Variants in NALF1 observed in about 807,000 individuals in gnomAD.
NALF1 encodes family with sequence similarity 155 member A.
NALF1 carries 3 observed loss-of-function variants against 48.4 expected under a neutral mutation model. The ratio of observed to expected loss-of-function variants is 0.06; its 90% confidence interval spans 0.03 to 0.16. The LOEUF is 0.16. Ranked by LOEUF, NALF1 falls within the 10% of genes least tolerant of loss-of-function variation. The pLI, the probability that NALF1 is intolerant of heterozygous loss-of-function variation, is 1.00. For synonymous variants in NALF1, 262 were observed against 245.7 expected, an observed-to-expected ratio of 1.07 and a Z score of -0.62; for missense variants, 526 against 571.5, an observed-to-expected ratio of 0.92 and a Z score of 0.81.
chr13:107,725,968 T>C (rs909593138), intron 1 of NALF1, among the ~76,000 whole-genome samples: 10 of 152,122 alleles, frequency 6.6e-5, no homozygotes, highest in African/African-American at 9.7e-5. Context: ...GCAGTGACAA[T>C]TGAGTAGACA....
intron 1 of NALF1, among the ~76,000 whole-genome samples, chr13:107,687,548 G>A (rs887416489): frequency 6.7e-6 from 1 of 150,036 alleles, no homozygotes; most frequent in Non-Finnish European, 1.5e-5. Context: ...AAGAAAAGAA[G>A]ATGGGTCACA....
intron 1 of NALF1, among the ~76,000 whole-genome samples, chr13:107,225,496 T>C (rs771928910): frequency 1.8e-4 from 27 of 152,062 alleles, no homozygotes; most frequent in Non-Finnish European, 3.4e-4. Flanking sequence ...AGGGTGGTCT[T>C]GAATTCCTGG....
intron 1 of NALF1, among the ~76,000 whole-genome samples, chr13:107,286,881 T>C (rs926402581): frequency 1.3e-5 from 2 of 152,126 alleles, no homozygotes. Context: ...ATATTGATGA[T>C]TGCTGAAAGT....
chr13:107,511,967 G>A (rs565641138), intron 1 of NALF1, among the ~76,000 whole-genome samples: 1 of 152,176 alleles, frequency 6.6e-6, no homozygotes, highest in Non-Finnish European at 1.5e-5. Flanking sequence ...AATGTTTCTG[G>A]CTGTCTTTGA....
chr13:107,576,666 G>C (rs1483766158), intron 1 of NALF1, among the ~76,000 whole-genome samples: 3 of 152,162 alleles, frequency 2.0e-5, no homozygotes, highest in African/African-American at 2.4e-5. Context: ...TCATGATCTG[G>C]ACTCTGTGAA....
Position 107,611,983 on chromosome 13 carries a change from A to AGAGG in NALF1, c.915+253698_915+253699insCCTC, listed in dbSNP as rs1555312420. Reference sequence around the variant, plus strand: ...GCACGAAGAAGAAAGAAGAGAAGAGAAGAGGAGAGGAGAGGAGAGAGACAG... The same window carrying AGAGG: ...GCACGAAGAAGAAAGAAGAGAAGAGAGAGGAGAGGAGAGGAGAGGAGAGAGACAG... On this transcript the variant is annotated intron_variant, in intron 1 of 2. Transcript: ENST00000375915. Among the ~76,000 whole-genome samples the AGAGG allele has an allele frequency of 0.018, 2,596 of 142,448 alleles. 173 individuals carry two copies. In the East Asian group the frequency reaches 0.24, roughly 13 times the overall value. 93.5% of individuals were successfully genotyped at this position (142,448 alleles called of 152,430 possible).
At chr13:107,543,540 C>T (rs571956075) in intron 1 of NALF1, among the ~76,000 whole-genome samples, 1 of 152,034 alleles carries the variant, frequency 6.6e-6, no homozygotes, top group Non-Finnish European at 1.5e-5. Context: ...GACTGAGTTG[C>T]ATCCCAATAA....
intron 1 of NALF1, among the ~76,000 whole-genome samples, chr13:107,254,626 T>C (rs1004796826): frequency 3.9e-5 from 6 of 152,182 alleles, no homozygotes; most frequent in Non-Finnish European, 5.9e-5. Flanking sequence ...TGCCCACTTG[T>C]AAGCCTTGCC....
At chr13:107,865,643 GA>G in intron 1 of NALF1, 38 bp downstream of exon 1, 4 of 1,587,834 alleles carry the variant, frequency 2.5e-6, no homozygotes, top group Non-Finnish European at 3.4e-6. Flanking sequence ...GCAGAGATAG[GA>G]AAGTGCAGGA....
intron 1 of NALF1, among the ~76,000 whole-genome samples, chr13:107,489,104 T>C (rs77241300): frequency 2.0e-5 from 3 of 152,026 alleles, no homozygotes; most frequent in African/African-American, 7.2e-5. Flanking sequence ...TACAAACAAC[T>C]GCTCAAAGTA....
chr13:107,354,625 A>G (rs910442168), intron 1 of NALF1, among the ~76,000 whole-genome samples: 14 of 152,130 alleles, frequency 9.2e-5, no homozygotes, highest in Non-Finnish European at 1.6e-4. Flanking sequence ...CAAGAGCCAA[A>G]CCTTATCAAC....
chr13:107,612,591 A>G (rs1879262678), intron 1 of NALF1, among the ~76,000 whole-genome samples: 1 of 152,110 alleles, frequency 6.6e-6, no homozygotes. Flanking sequence ...GAAGATCTCA[A>G]TAGAACAGAA....
intron 1 of NALF1, among the ~76,000 whole-genome samples, chr13:107,797,505 G>A (rs1253477653): frequency 6.6e-6 from 1 of 152,060 alleles, no homozygotes; most frequent in Admixed American, 6.5e-5. Flanking sequence ...CACCGCGCCC[G>A]GCCCACCTCC....
chr13:107,326,972 C>T (rs1295576401), intron 1 of NALF1, among the ~76,000 whole-genome samples: 2 of 151,838 alleles, frequency 1.3e-5, no homozygotes, highest in African/African-American at 2.4e-5. Context: ...AGAGGATTCC[C>T]TCACATGATC....
intron 1 of NALF1, among the ~76,000 whole-genome samples, chr13:107,730,647 G>A (rs1566460601): frequency 6.6e-6 from 1 of 152,070 alleles, no homozygotes; most frequent in Non-Finnish European, 1.5e-5. Context: ...ACATCACATG[G>A]AAGTCATTTT....
chr13:107,830,870 T>C (rs1429185797), intron 1 of NALF1, among the ~76,000 whole-genome samples: 2 of 152,214 alleles, frequency 1.3e-5, no homozygotes, highest in Non-Finnish European at 2.9e-5. Flanking sequence ...ATATTTAATA[T>C]GTGGATTAAA....
At chr13:107,646,690 A>G (rs974918979) in intron 1 of NALF1, among the ~76,000 whole-genome samples, 3 of 152,098 alleles carry the variant, frequency 2.0e-5, no homozygotes, top group African/African-American at 7.2e-5. Flanking sequence ...ACATCAATCA[A>G]TTTGATGAGA....
At position 107,629,022 on chromosome 13, in the gene NALF1, T is replaced by C. The variant is rs577657441; in HGVS notation, c.915+236660A>G. Among the ~76,000 whole-genome samples, 8 of 152,292 alleles carry C rather than the reference T, an allele frequency of 5.3e-5. No individual in the cohort carries two copies. The East Asian group carries it at 1.2e-3, about 22-fold the overall frequency. On this transcript the variant is annotated intron_variant, in intron 1 of 2. Coordinates refer to ENST00000375915, the MANE Select transcript of NALF1 (RefSeq NM_001080396.3). ...TACATAAAACTTTACTTAGAAGAAG[T>C]TGTATTTCCTACTTTCTTATCCACG...
chr13:107,444,404 A>G (rs891295189), intron 1 of NALF1, among the ~76,000 whole-genome samples: 8 of 152,194 alleles, frequency 5.3e-5, no homozygotes, highest in African/African-American at 1.9e-4. Context: ...AGATTGTATG[A>G]GCTTTTCTAT....
Sources: allele counts gnomAD v4.1 joint callset (sites outside exome capture counted in the v4.1 genomes callset), GRCh38; gene constraint gnomAD v4.1.1; transcripts MANE v1.5; gene names NCBI Gene and HGNC (gene_info 2026-07-23, HGNC 2026-07-21).